FOXP2: variants seen among roughly 807,000 people sequenced by gnomAD.
FOXP2 encodes the protein forkhead box protein P2.
FOXP2 carries 12 observed loss-of-function variants against 115.8 expected under a neutral mutation model. That is an observed-to-expected ratio of 0.10 (90% confidence interval 0.07 to 0.17). FOXP2 has a LOEUF of 0.17. Ranked by LOEUF, FOXP2 falls within the 10% of genes least tolerant of loss-of-function variation. FOXP2 has a pLI of 1.00. For missense variants in FOXP2, 629 were observed against 843.5 expected (o/e 0.75, Z 3.15); for synonymous variants, 328 against 297.7 (o/e 1.10, Z -1.05).
At chr7:114,491,202 C>A in intron 2 of FOXP2, among the ~76,000 whole-genome samples, 1 of 152,182 alleles carries the variant, frequency 6.6e-6, no homozygotes, top group Non-Finnish European at 1.5e-5. Context: ...ATCATTCTAA[C>A]TGGTGTGAGA....
At chr7:114,572,050 T>C (rs1283699052) in intron 3 of FOXP2, among the ~76,000 whole-genome samples, 1 of 151,748 alleles carries the variant, frequency 6.6e-6, no homozygotes, top group Non-Finnish European at 1.5e-5. Context: ...AATGTCTTCC[T>C]GAATGAAGAA....
At chr7:114,139,066 A>G (rs947686227) in intron 1 of FOXP2, among the ~76,000 whole-genome samples, 1 of 152,312 alleles carries the variant, frequency 6.6e-6, no homozygotes, top group Admixed American at 6.5e-5. Flanking sequence ...CAGGGGTTAC[A>G]GGGGGCAGGG....
At chr7:114,678,215 C>G (rs2129348765) in intron 16 of FOXP2, among the ~76,000 whole-genome samples, 1 of 152,108 alleles carries the variant, frequency 6.6e-6, no homozygotes, top group East Asian at 1.9e-4. Flanking sequence ...TAGTATTGAG[C>G]AGAGATGAGG....
At chr7:114,632,637 T>A (rs1051410314) in intron 6 of FOXP2, among the ~76,000 whole-genome samples, 2 of 152,094 alleles carry the variant, frequency 1.3e-5, no homozygotes, top group African/African-American at 4.8e-5. Flanking sequence ...CTAAAGAAAA[T>A]CAGGAGTATC....
chr7:114,372,274 AGC>A (rs1792031647), intron 2 of FOXP2, among the ~76,000 whole-genome samples: 1 of 152,230 alleles, frequency 6.6e-6, no homozygotes, highest in Non-Finnish European at 1.5e-5. Flanking sequence ...ACTGTTTGAA[AGC>A]ATTAACCTAA....
At chr7:114,271,608 A>G (rs993314059) in intron 1 of FOXP2, among the ~76,000 whole-genome samples, 16 of 123,926 alleles carry the variant, frequency 1.3e-4, no homozygotes, top group Non-Finnish European at 2.4e-4. Context: ...TAATATTAAT[A>G]TATAATAAAT....
intron 1 of FOXP2, among the ~76,000 whole-genome samples, chr7:114,267,020 G>A (rs1029898351): frequency 1.3e-5 from 2 of 151,744 alleles, no homozygotes; most frequent in African/African-American, 2.4e-5. Context: ...TGGAAGGAGG[G>A]AAAAAAACAA....
intron 3 of FOXP2, among the ~76,000 whole-genome samples, chr7:114,552,428 T>C (rs913919557): frequency 6.6e-6 from 1 of 152,196 alleles, no homozygotes; most frequent in Non-Finnish European, 1.5e-5. Context: ...AAAATTTTGT[T>C]ATCTCAATGC....
chr7:114,677,008 T>A (rs1392344371), intron 16 of FOXP2, among the ~76,000 whole-genome samples: 4 of 151,634 alleles, frequency 2.6e-5, no homozygotes, highest in African/African-American at 9.7e-5. Flanking sequence ...CTACTAAAAA[T>A]ACAAAAAATT....
intron 1 of FOXP2, among the ~76,000 whole-genome samples, chr7:114,281,463 A>T (rs1796335254): frequency 6.6e-6 from 1 of 152,134 alleles, no homozygotes; most frequent in South Asian, 2.1e-4. Context: ...ATTTTTAAAC[A>T]GTTCCATCAG....
intron 2 of FOXP2, among the ~76,000 whole-genome samples, chr7:114,293,833 T>A (rs1796670657): frequency 6.6e-6 from 1 of 152,166 alleles, no homozygotes; most frequent in Non-Finnish European, 1.5e-5. Flanking sequence ...ACTTTATAAA[T>A]TACCCAGTTT....
At chr7:114,534,564 G>C in intron 2 of FOXP2, 53 bp from the exon 3 acceptor site, 1 of 1,432,038 alleles carries the variant, frequency 7.0e-7, no homozygotes. Flanking sequence ...AGAGATAATT[G>C]ATAACTTAAC....
chr7:114,135,333 A>G (rs796954379), intron 1 of FOXP2, among the ~76,000 whole-genome samples: 19 of 152,268 alleles, frequency 1.2e-4, no homozygotes, highest in African/African-American at 4.6e-4. Flanking sequence ...TGTAGGTAAA[A>G]GCAAAATTTA....
At position 114,243,220 on chromosome 7, in the gene FOXP2, T is replaced by A. The variant is rs138230174; in HGVS notation, c.-101-44799T>A. On this transcript the variant is annotated intron_variant, in intron 1 of 17. Transcript: ENST00000634411. ...CGAAGCAATCAAAACTAGAGGGAGA[T>A]AGCACAACACACTGAAAATAAATGT... 2.2e-3 allele frequency among the ~76,000 whole-genome samples: 245 copies of A among 111,244 alleles called. 2 individuals carry two copies. Among genetic ancestry groups the A allele is most frequent in the African/African-American group, 8.5e-3 (241 of 28,520 alleles). 73.0% of individuals were successfully genotyped at this position (111,244 alleles called of 152,430 possible).
At chr7:114,203,928 A>G (rs1259436380) in intron 1 of FOXP2, among the ~76,000 whole-genome samples, 1 of 152,164 alleles carries the variant, frequency 6.6e-6, no homozygotes, top group African/African-American at 2.4e-5. Context: ...AATATTTAAT[A>G]TACTTCTTAC....
chr7:114,348,291 C>T (rs890431661), intron 2 of FOXP2, among the ~76,000 whole-genome samples: 6 of 152,044 alleles, frequency 3.9e-5, no homozygotes, highest in African/African-American at 1.4e-4. Context: ...TCTAAGCTCA[C>T]CAAGCTCACC....
intron 2 of FOXP2, among the ~76,000 whole-genome samples, chr7:114,467,142 T>A (rs1183494054): frequency 1.3e-5 from 2 of 152,204 alleles, no homozygotes; most frequent in Non-Finnish European, 2.9e-5. Flanking sequence ...CCACTGTTTA[T>A]TTAGCTTCTG....
chr7:114,156,593 G>T (rs1008654959), intron 1 of FOXP2, among the ~76,000 whole-genome samples: 1 of 152,016 alleles, frequency 6.6e-6, no homozygotes, highest in Non-Finnish European at 1.5e-5. Context: ...TACATGTATT[G>T]ATTGATGTCT....
chr7:114,095,231 A>T (rs1799620732), intron 1 of FOXP2, among the ~76,000 whole-genome samples: 1 of 152,204 alleles, frequency 6.6e-6, no homozygotes. Flanking sequence ...CCTCCAAAAG[A>T]TACTACAGTA....
Sources: allele counts gnomAD v4.1 joint callset (sites outside exome capture counted in the v4.1 genomes callset), GRCh38; gene constraint gnomAD v4.1.1; transcripts MANE v1.5; gene names NCBI Gene and HGNC (gene_info 2026-07-23, HGNC 2026-07-21).